The following MSRA variants were observed in gnomAD, a reference collection of about 807,000 sequenced individuals.
MSRA encodes the protein methionine sulfoxide reductase A, also known as mitochondrial peptide methionine sulfoxide reductase.
A neutral mutation model predicts 31.3 loss-of-function variants in MSRA; 54 were observed. That is an observed-to-expected ratio of 1.73 (90% CI 1.39 to 2.17). The LOEUF (loss-of-function observed/expected upper bound fraction) is 2.17, where lower values mean the gene tolerates loss of function less well. MSRA is among the 30% of genes most tolerant of loss of function. The probability of loss-of-function intolerance (pLI) is 0.00; values close to 1 mark genes in which losing one functional copy is unlikely to be tolerated. For synonymous variants in MSRA, 169 were observed against 116.5 expected (o/e 1.45, Z -2.90); for missense variants, 507 against 300.9 (o/e 1.69, Z -5.07).
At chr8:10,182,643 G>A (rs1485634961) in intron 1 of MSRA, among the ~76,000 whole-genome samples, 6 of 152,324 alleles carry the variant, frequency 3.9e-5, no homozygotes, top group Admixed American at 3.3e-4. Flanking sequence ...AGCATGCGGT[G>A]TGTGATCATC....
chr8:10,212,943 T>C (rs1020683731), intron 2 of MSRA, among the ~76,000 whole-genome samples: 1 of 152,190 alleles, frequency 6.6e-6, no homozygotes, highest in Non-Finnish European at 1.5e-5. Context: ...TTATGGGGCA[T>C]GTGAGATGTT....
chr8:10,091,908 G>C (rs770105237), intron 1 of MSRA, among the ~76,000 whole-genome samples: 1 of 152,078 alleles, frequency 6.6e-6, no homozygotes, highest in Non-Finnish European at 1.5e-5. Flanking sequence ...TGTCCGGCCG[G>C]TAGTTCTATT....
chr8:10,060,750 AGT>A (rs1802671658), intron 1 of MSRA, among the ~76,000 whole-genome samples: 1 of 152,008 alleles, frequency 6.6e-6, no homozygotes, highest in Admixed American at 6.5e-5. Context: ...AAATTTAGAG[AGT>A]GAAATCGGAA....
chr8:10,306,476 A>G (rs1801146892), intron 4 of MSRA, among the ~76,000 whole-genome samples: 2 of 148,930 alleles, frequency 1.3e-5, no homozygotes, highest in South Asian at 2.2e-4. Context: ...TCCATCTACT[A>G]AAGTGTGGGT....
At chr8:10,238,515 A>T (rs1044097775) in intron 2 of MSRA, among the ~76,000 whole-genome samples, 26 of 152,226 alleles carry the variant, frequency 1.7e-4, no homozygotes, top group Non-Finnish European at 3.4e-4. Context: ...GTAGGCACTG[A>T]AAAAATATTT....
At chr8:10,390,312 G>A (rs1271731056) in intron 5 of MSRA, among the ~76,000 whole-genome samples, 1 of 152,186 alleles carries the variant, frequency 6.6e-6, no homozygotes, top group Non-Finnish European at 1.5e-5. Flanking sequence ...GTGCGAAATG[G>A]GCAGCCTGGC....
At position 10,385,270 on chromosome 8, in the gene MSRA, T is replaced by C. The variant is rs937482543; in HGVS notation, c.544-42878T>C. Among the ~76,000 whole-genome samples the C allele has an allele frequency of 2.6e-5, 4 of 152,128 alleles. No individual in the cohort carries two copies. In the East Asian group the frequency reaches 7.7e-4, roughly 29 times the overall value. ...GGATGGCAGCAGATGGGGAACTCAATTCGATACTGAAGTTGGGGGGATTCA... is the reference window on the plus strand; with the variant it reads ...GGATGGCAGCAGATGGGGAACTCAACTCGATACTGAAGTTGGGGGGATTCA... On this transcript the variant is annotated intron_variant, in intron 5 of 5. Transcript: ENST00000317173.
At chr8:10,076,959 A>G (rs1032411295) in intron 1 of MSRA, among the ~76,000 whole-genome samples, 1 of 151,378 alleles carries the variant, frequency 6.6e-6, no homozygotes, top group African/African-American at 2.4e-5. Context: ...ATACGTAGGT[A>G]ATGGGTTGAT....
chr8:10,239,281 C>A (rs1035195475), intron 2 of MSRA, among the ~76,000 whole-genome samples: 1 of 152,128 alleles, frequency 6.6e-6, no homozygotes, highest in Non-Finnish European at 1.5e-5. Flanking sequence ...TCTGCCTCAG[C>A]CTCATGAGTA....
At chr8:10,152,648 C>CA (rs1029137548) in intron 1 of MSRA, among the ~76,000 whole-genome samples, 5 of 151,744 alleles carry the variant, frequency 3.3e-5, no homozygotes, top group Admixed American at 6.6e-5. Flanking sequence ...TTTTTTCCCC[C>CA]AAAAAATCAT....
At chr8:10,419,270 C>T (rs557872315) in intron 5 of MSRA, among the ~76,000 whole-genome samples, 9 of 152,290 alleles carry the variant, frequency 5.9e-5, no homozygotes, top group South Asian at 4.2e-4. Flanking sequence ...CCCCAAATTC[C>T]GGGAACAGCA....
intron 5 of MSRA, among the ~76,000 whole-genome samples, chr8:10,342,599 C>A (rs1371524771): frequency 6.6e-6 from 1 of 152,222 alleles, no homozygotes; most frequent in Non-Finnish European, 1.5e-5. Flanking sequence ...GCACAGAAGT[C>A]AAATCTGAGG....
At position 10,301,499 on chromosome 8, in the gene MSRA, A is replaced by G. The variant is rs760911865; in HGVS notation, c.332-35A>G. The G allele has an allele frequency of 2.6e-6, 4 of 1,524,472 alleles. No individual in the cohort carries two copies. The South Asian group carries it at 3.5e-5, about 13-fold the overall frequency. The allele number at this position is 1,524,472 out of a possible 1,614,324, so 94.4% of individuals were successfully genotyped here. ...AAACTTGCAATAAATGGATGTTGTC[A>G]GTAAATTTCGGTTGTACGTTTTGTT... On this transcript the variant is annotated intron_variant, in intron 3 of 5. Transcript: ENST00000317173.
chr8:10,153,132 T>C (rs1433023439), intron 1 of MSRA, among the ~76,000 whole-genome samples: 1 of 152,130 alleles, frequency 6.6e-6, no homozygotes, highest in African/African-American at 2.4e-5. Flanking sequence ...CACTTAGAAA[T>C]GGTTACGATG....
chr8:10,277,719 A>G (rs1408998123), intron 3 of MSRA, among the ~76,000 whole-genome samples: 1 of 152,136 alleles, frequency 6.6e-6, no homozygotes, highest in Non-Finnish European at 1.5e-5. Context: ...ATGGCTATCT[A>G]ATTTACGGTT....
chr8:10,224,220 G>A (rs1810787342), intron 2 of MSRA, among the ~76,000 whole-genome samples: 1 of 152,114 alleles, frequency 6.6e-6, no homozygotes, highest in East Asian at 1.9e-4. Context: ...CACCCACTTA[G>A]CTATAAACCA....
At chr8:10,308,262 T>C (rs916041781) in intron 4 of MSRA, among the ~76,000 whole-genome samples, 1 of 152,226 alleles carries the variant, frequency 6.6e-6, no homozygotes, top group Non-Finnish European at 1.5e-5. Context: ...GGTGATGAAC[T>C]CCCAGTTACC....
chr8:10,420,681 C>G (rs957861257), intron 5 of MSRA, among the ~76,000 whole-genome samples: 1 of 151,950 alleles, frequency 6.6e-6, no homozygotes, highest in Admixed American at 6.6e-5. Flanking sequence ...CAGCCCCCAC[C>G]CCATGTACAA....
chr8:10,348,530 C>G (rs368437714), intron 5 of MSRA, among the ~76,000 whole-genome samples: 1 of 151,544 alleles, frequency 6.6e-6, no homozygotes, highest in Admixed American at 6.6e-5. Context: ...CCACCATGCC[C>G]GGCTAATTTT....
Sources: gnomAD v4.1 joint callset for allele counts (sites outside exome capture counted in the v4.1 genomes callset) on GRCh38, gnomAD v4.1.1 for gene constraint, MANE v1.5 for transcripts, NCBI Gene and HGNC (gene_info 2026-07-23, HGNC 2026-07-21) for gene names.